The following EPS15L1 variants were observed in gnomAD, a reference collection of about 807,000 sequenced individuals.
EPS15L1 encodes the protein epidermal growth factor receptor pathway substrate 15 like 1.
Under a neutral mutation model 117.1 loss-of-function variants are expected in EPS15L1, and 43 were observed. The observed-to-expected ratio is 0.37, with a 90% CI of 0.29 to 0.47. The LOEUF (loss-of-function observed/expected upper bound fraction) is 0.47, where lower values mean the gene tolerates loss of function less well. Among genes scored for constraint, EPS15L1 ranks in the 20% least tolerant of loss-of-function variants. EPS15L1 has a pLI of 0.99. For missense variants in EPS15L1, 981 were observed against 1,164.0 expected (o/e 0.84, Z 2.29); for synonymous variants, 459 against 470.5 (o/e 0.98, Z 0.32).
intron 1 of EPS15L1, among the ~76,000 whole-genome samples, chr19:16,453,190 C>G (rs1390987902): frequency 6.6e-6 from 1 of 152,150 alleles, no homozygotes; most frequent in African/African-American, 2.4e-5. Flanking sequence ...GCCTCAACCT[C>G]CTGGACTTAA....
rs564901451 is a variant in EPS15L1, at chr19:16,445,123, G to A, written c.34-2904C>T. ...GAGTTTCAGTCTTTGAGGCATGCAG[G>A]GTTATTAAATATCTGCTCTACTTCC... On this transcript the variant is annotated intron_variant, in intron 1 of 23. Transcript: ENST00000455140. Among the ~76,000 whole-genome samples, 10 of 152,300 alleles carry A rather than the reference G, an allele frequency of 6.6e-5. No homozygotes were observed. In the South Asian group the frequency reaches 2.1e-3, roughly 32 times the overall value.
chr19:16,361,833 G>A lies in EPS15L1; in HGVS notation c.2532C>T (p.Ser844=). The A allele has an allele frequency of 1.2e-6, 2 of 1,614,040 alleles. No homozygotes were observed. Among genetic ancestry groups the A allele is most frequent in the Non-Finnish European group, 1.7e-6 (2 of 1,180,008 alleles). ...AGGCCTTAGAAGGTTTAGCTGCAGA[G>A]GAGGGGACAAATGGGTCTTTTCCAC... ...PFSGKDPFVP[S]SAAKPSKASA... is the part of the protein sequence containing the mutation. Residue 844 remains serine (S), a synonymous_variant, in exon 23 of 24, where the codon TCC becomes TCT. Coordinates refer to ENST00000455140, the MANE Select transcript of EPS15L1 (RefSeq NM_001258374.3).
At chr19:16,443,819 C>G (rs887029489) in intron 1 of EPS15L1, among the ~76,000 whole-genome samples, 1 of 152,052 alleles carries the variant, frequency 6.6e-6, no homozygotes, top group Non-Finnish European at 1.5e-5. Context: ...CCAAACAGCA[C>G]TTTGGGAGGC....
At chr19:16,448,383 A>G (rs1251859120) in intron 1 of EPS15L1, among the ~76,000 whole-genome samples, 1 of 151,906 alleles carries the variant, frequency 6.6e-6, no homozygotes, top group African/African-American at 2.4e-5. Flanking sequence ...ATGTAAAATT[A>G]GCCAGGCATG....
intron 1 of EPS15L1, among the ~76,000 whole-genome samples, chr19:16,448,548 G>A (rs867496695): frequency 2.0e-5 from 2 of 99,200 alleles, no homozygotes; most frequent in African/African-American, 1.0e-4. Context: ...TAAAAAAAAA[G>A]GGGGGGGGAG....
Position 16,394,228 on chromosome 19 carries a change from AGAAG to A in EPS15L1, c.1916-231_1916-228del, listed in dbSNP as rs1278950823. On this transcript the variant is annotated intron_variant, in intron 17 of 23. Coordinates refer to ENST00000455140, the MANE Select transcript of EPS15L1 (RefSeq NM_001258374.3). Reference sequence around the variant, plus strand: ...GTTTCTGGCTAGGATGTTTAAGATGAGAAGGAAGGTACTGCTGGCTGTCCCACAC... The same window carrying A: ...GTTTCTGGCTAGGATGTTTAAGATGAGAAGGTACTGCTGGCTGTCCCACAC... Among the ~76,000 whole-genome samples the A allele has an allele frequency of 2.6e-5, 4 of 152,290 alleles. No individual in the cohort carries two copies. The East Asian group carries it at 5.8e-4, about 22-fold the overall frequency.
At position 16,425,175 on chromosome 19, in the gene EPS15L1, C is replaced by T; in HGVS notation, c.700G>A (p.Asp234Asn). The T allele has an allele frequency of 6.4e-7, 1 of 1,559,314 alleles. No homozygotes were observed. Among genetic ancestry groups the T allele is most frequent in the South Asian group, 1.1e-5 (1 of 90,264 alleles). ...PVLPASPPPK[D>N]SLRSTPSHGS... ...TGGGACGGCGTGGAGCGGAGGCTGT[C>T]TTTTGGTGGGGGGCTGGCAGGCAGG... The change falls in exon 9 of 24, where the codon GAC becomes AAC. Residue 234 changes from aspartate (D) to asparagine (N), a missense_variant. Physicochemically the swap from Asp to Asn is conservative, Grantham distance 23. Transcript: ENST00000455140.
intron 16 of EPS15L1, chr19:16,401,493 G>A (rs538826795): frequency 1.0e-6 from 1 of 985,800 alleles, no homozygotes; most frequent in African/African-American, 1.7e-5. Flanking sequence ...AGAGCTGCTG[G>A]AGGCAGCAGA....
chr19:16,405,274 G>A lies in EPS15L1; in HGVS notation c.1267-525C>T, dbSNP rs535077846. ...AGGGACCCCAGGGTCGGGGGGTGTC[G>A]CACTCCAGCTAGAGCAAAAGGGAAT... is the stretch of plus-strand genomic sequence containing the variant. On this transcript the variant is annotated intron_variant, in intron 13 of 23. Coordinates refer to ENST00000455140, the MANE Select transcript of EPS15L1 (RefSeq NM_001258374.3). This position sits in a 1 kb window ranked among gnomAD's most constrained non-coding sequence, Gnocchi z 4.0. Among the ~76,000 whole-genome samples, 7 of 152,250 alleles carry A rather than the reference G, an allele frequency of 4.6e-5. No individual in the cohort carries two copies. In the East Asian group the frequency reaches 9.7e-4, roughly 21 times the overall value.
intron 7 of EPS15L1, among the ~76,000 whole-genome samples, chr19:16,429,158 T>A (rs2092905771): frequency 1.3e-5 from 2 of 152,060 alleles, no homozygotes; most frequent in Non-Finnish European, 2.9e-5. Flanking sequence ...TCCCTTGCAT[T>A]CTCAGCTGGG....
At chr19:16,462,329 C>T (rs753668897) in intron 1 of EPS15L1, among the ~76,000 whole-genome samples, 28 of 152,244 alleles carry the variant, frequency 1.8e-4, no homozygotes, top group Non-Finnish European at 3.2e-4. Flanking sequence ...GCTGGGGTCC[C>T]GTTGCCACCT....
In EPS15L1 at chr19:16,403,726, G is replaced by T; in HGVS notation, c.1626+7C>A. The T allele has an allele frequency of 6.2e-7, 1 of 1,610,996 alleles. No individual in the cohort carries two copies. Among genetic ancestry groups the T allele is most frequent in the Non-Finnish European group, 8.5e-7 (1 of 1,179,846 alleles). On this transcript the variant is annotated splice_region_variant and intron_variant, in intron 15 of 23. Transcript: ENST00000455140. ...GCATGTGGCAGGGACCCGACTCCGT[G>T]AAGTACCTGGTTGATTTCGTCTTGC...
rs185848452 is a variant in EPS15L1, at chr19:16,405,382, G to A, written c.1267-633C>T. Among the ~76,000 whole-genome samples, 282 of 152,306 alleles carry A rather than the reference G, an allele frequency of 1.9e-3. 1 individual carries two copies. Among genetic ancestry groups the A allele is most frequent in the African/African-American group, 6.2e-3 (257 of 41,566 alleles). On this transcript the variant is annotated intron_variant, in intron 13 of 23. Transcript: ENST00000455140. This position sits in a 1 kb window ranked among gnomAD's most constrained non-coding sequence, Gnocchi z 4.0. ...TCTGTGGTGGGGAGCCCGGTGGGATGTGTGAGTGTGGGAGGCGGGACATCA... is the reference window on the plus strand; with the variant it reads ...TCTGTGGTGGGGAGCCCGGTGGGATATGTGAGTGTGGGAGGCGGGACATCA...
At position 16,405,002 on chromosome 19, in the gene EPS15L1, G is replaced by A. The variant is rs1186189153; in HGVS notation, c.1267-253C>T. On this transcript the variant is annotated intron_variant, in intron 13 of 23. Transcript: ENST00000455140. This position sits in a 1 kb window ranked among gnomAD's most constrained non-coding sequence, Gnocchi z 4.0. ...CTAACAGAGGCCAGGTGCGAGAGAA[G>A]GGGCTGGGTCCCTGTGAGAAAAAGG... is the stretch of plus-strand genomic sequence containing the variant. Among the ~76,000 whole-genome samples, 3 of 152,222 alleles carry A rather than the reference G, an allele frequency of 2.0e-5. No homozygotes were observed. The highest frequency in any genetic ancestry group is 1.9e-4 in the East Asian group (1 of 5,194).
At chr19:16,367,572 A>G (rs1307163683) in intron 22 of EPS15L1, among the ~76,000 whole-genome samples, 1 of 145,984 alleles carries the variant, frequency 6.9e-6, no homozygotes, top group East Asian at 2.0e-4. Flanking sequence ...TAATTCTCCT[A>G]TTTCTCAAGC....
intron 18 of EPS15L1, among the ~76,000 whole-genome samples, chr19:16,393,736 C>T (rs1470250416): frequency 1.3e-5 from 2 of 151,778 alleles, no homozygotes; most frequent in African/African-American, 4.8e-5. Context: ...CACCACACTC[C>T]AGGGTGGGGT....
At chr19:16,406,035 A>T (rs1450412397) in intron 13 of EPS15L1, among the ~76,000 whole-genome samples, 1 of 151,866 alleles carries the variant, frequency 6.6e-6, no homozygotes, top group Non-Finnish European at 1.5e-5. Context: ...TGGTCGTGAG[A>T]ATGGAGAGGA....
intron 19 of EPS15L1, among the ~76,000 whole-genome samples, chr19:16,391,622 C>CA (rs1490434720): frequency 1.5e-5 from 2 of 131,712 alleles, no homozygotes; most frequent in African/African-American, 2.8e-5. Flanking sequence ...ACCGAGGCTG[C>CA]TTTTTTTTTT....
chr19:16,461,104 G>T (rs1313073147), intron 1 of EPS15L1, among the ~76,000 whole-genome samples: 1 of 151,298 alleles, frequency 6.6e-6, no homozygotes, highest in Non-Finnish European at 1.5e-5. Flanking sequence ...AGGAGATCGA[G>T]ACCATCCTGG....
Sources: allele counts gnomAD v4.1 joint callset (sites outside exome capture counted in the v4.1 genomes callset), GRCh38; gene constraint gnomAD v4.1.1; non-coding constraint Gnocchi (gnomAD v3.1); transcripts MANE v1.5; gene names NCBI Gene and HGNC (gene_info 2026-07-23, HGNC 2026-07-21).